Variants in ABCB9 observed in about 807,000 individuals in gnomAD.
The protein encoded by ABCB9 is ATP binding cassette subfamily B member 9.
In ABCB9, 36 loss-of-function variants were observed where a neutral mutation model predicts 62.0. The ratio of observed to expected loss-of-function variants is 0.58; its 90% CI spans 0.45 to 0.77. ABCB9 has a LOEUF of 0.77. Among genes scored for constraint, ABCB9 ranks in the 30% least tolerant of loss-of-function variants. The pLI is 0.00. For synonymous variants in ABCB9, 435 were observed against 461.4 expected (o/e 0.94, Z 0.73); for missense variants, 943 against 1,054.7 (o/e 0.89, Z 1.47).
At chr12:122,920,866 T>C, downstream of ABCB9, 4 of 660,316 alleles carry the variant, frequency 6.1e-6, no homozygotes, top group Non-Finnish European at 1.0e-5. Flanking sequence ...TGAGGTGAGA[T>C]CGTACCACTG....
rs1158188863 is a variant in ABCB9 at position 122,959,774 on chromosome 12, C to T, written c.462G>A (p.Glu154=). The change falls in exon 2 of 12, where the codon GAG becomes GAA. Residue 154 remains glutamate (E), a synonymous_variant. Transcript: ENST00000280560. The surrounding 1 kb of genome is among the most constrained non-coding windows in gnomAD (Gnocchi z 5.4). ...TQALEPGAAT[E]AEGFPGSGRP... is the part of the protein sequence containing the mutation. Reference sequence around the variant, plus strand: ...GGCCGCTCCCAGGGAAGCCCTCAGCCTCGGTGGCCGCCCCTGGCTCCAGGG... The same window carrying T: ...GGCCGCTCCCAGGGAAGCCCTCAGCTTCGGTGGCCGCCCCTGGCTCCAGGG... 1 of 1,612,002 alleles carries T rather than the reference C, an allele frequency of 6.2e-7. No individual in the cohort carries two copies. The highest frequency in any genetic ancestry group is 2.2e-5 in the East Asian group (1 of 44,844).
chr12:122,960,296 A>G lies in ABCB9; in HGVS notation c.-61T>C. ...GGTTGTAGCTCACGGGGGCAAGGCC[A>G]TCATCATCCACAGGGCGAGGCCAGG... is the stretch of plus-strand genomic sequence containing the variant. On this transcript the variant is annotated 5_prime_UTR_variant, in exon 2 of 12. An upstream start codon of the reference 5' UTR is lost. Transcript: ENST00000280560. 6.4e-7 allele frequency: 1 copy of G among 1,563,602 alleles called. No individual in the cohort carries two copies. Among genetic ancestry groups the G allele is most frequent in the Non-Finnish European group, 8.7e-7 (1 of 1,153,408 alleles).
chr12:122,961,869 T>C (rs1230397106), intron 1 of ABCB9, among the ~76,000 whole-genome samples: 1 of 152,276 alleles, frequency 6.6e-6, no homozygotes, highest in Non-Finnish European at 1.5e-5. Flanking sequence ...GCATAATTGC[T>C]GCTGATTGTA....
At position 122,929,232 on chromosome 12, in the gene ABCB9, C is replaced by A. The variant is rs998053927; in HGVS notation, c.*679G>T. ...GCGCTGGGTGCCGGGCTGGGGGCAC[C>A]CCTGAGGCCCCTCCAGACCTGGCCA... On this transcript the variant is annotated 3_prime_UTR_variant, in exon 12 of 12. Coordinates refer to ENST00000280560, the MANE Select transcript of ABCB9 (RefSeq NM_019625.4). The surrounding 1 kb of genome is among the most constrained non-coding windows in gnomAD (Gnocchi z 6.0). 1.0e-5 allele frequency: 10 copies of A among 985,948 alleles called. No individual in the cohort carries two copies. The African/African-American group carries it at 1.7e-4, about 17-fold the overall frequency. The allele number at this position is 985,948 out of a possible 1,614,324, so 61.1% of individuals were successfully genotyped here.
At chr12:122,967,549 C>T (rs933020308), upstream of ABCB9, among the ~76,000 whole-genome samples, 3 of 152,132 alleles carry the variant, frequency 2.0e-5, no homozygotes, top group African/African-American at 4.8e-5. Context: ...AGTGCAGTGG[C>T]GAGTTCTCAG....
At chr12:122,956,209 G>A (rs2036605820) in intron 2 of ABCB9, among the ~76,000 whole-genome samples, 1 of 152,178 alleles carries the variant, frequency 6.6e-6, no homozygotes, top group Non-Finnish European at 1.5e-5. Flanking sequence ...GTGTCTATGT[G>A]CCAGGAGCTG....
At chr12:122,965,037 A>G (rs1019570706) in intron 1 of ABCB9, among the ~76,000 whole-genome samples, 12 of 152,064 alleles carry the variant, frequency 7.9e-5, no homozygotes, top group Non-Finnish European at 1.6e-4. Flanking sequence ...TTATTATGAC[A>G]CTGCAACAGA....
chr12:122,973,265 T>C (rs1260491445), intron 1 of ABCB9: 2 of 152,266 alleles, frequency 1.3e-5, no homozygotes, highest in East Asian at 1.9e-4. Context: ...CGAAATCCCG[T>C]TTCTACTAAA....
intron 2 of ABCB9, chr12:122,950,983 A>C (rs2036336182): frequency 6.5e-6 from 1 of 152,732 alleles, no homozygotes. Flanking sequence ...TAGGGAATAC[A>C]GGCATGTGCC....
At position 122,972,037 on chromosome 12, in the gene ABCB9, C is replaced by CTTTTTTTTTTTTTTTTTTTT. The variant is rs57112984; in HGVS notation, c.-88+2658_-88+2677dup. Among the ~76,000 whole-genome samples, 8 of 99,270 alleles carry CTTTTTTTTTTTTTTTTTTTT rather than the reference C, an allele frequency of 8.1e-5. 2 individuals are homozygous for CTTTTTTTTTTTTTTTTTTTT. Among genetic ancestry groups the CTTTTTTTTTTTTTTTTTTTT allele is most frequent in the Non-Finnish European group, 7.5e-5 (4 of 53,234 alleles). 65.1% of individuals were successfully genotyped at this position (99,270 alleles called of 152,430 possible). ...TTCATAGCAGCTTCATTCATAATGTCTTTTTTTTTTTTTTTTTTTTTTGTT... is the reference window on the plus strand; with the variant it reads ...TTCATAGCAGCTTCATTCATAATGTCTTTTTTTTTTTTTTTTTTTTTTTTTTTTTTTTTTTTTTTTTTGTT... On this transcript the variant is annotated intron_variant, in intron 1 of 11. Transcript: ENST00000392439.
Position 122,929,895 on chromosome 12 carries a change from A to G in ABCB9, c.*16T>C, listed in dbSNP as rs1432423557. ...ACCGGGTCCTCTGCCCCACCGGGAG[A>G]AGCAGGGGCCCCCCATCAGGCCTTG... On this transcript the variant is annotated 3_prime_UTR_variant, in exon 12 of 12. Transcript: ENST00000280560. This position sits in a 1 kb window ranked among gnomAD's most constrained non-coding sequence, Gnocchi z 6.0. 1 of 1,515,510 alleles carries G rather than the reference A, an allele frequency of 6.6e-7. No individual in the cohort carries two copies. The highest frequency in any genetic ancestry group is 8.8e-7 in the Non-Finnish European group (1 of 1,130,876). The allele number at this position is 1,515,510 out of a possible 1,614,324, so 93.9% of individuals were successfully genotyped here.
chr12:122,938,263 G>A (rs112816577), intron 9 of ABCB9, among the ~76,000 whole-genome samples: 3 of 152,372 alleles, frequency 2.0e-5, no homozygotes, highest in African/African-American at 7.2e-5. Flanking sequence ...GCCGGGGGCA[G>A]AGGCTCACAC....
chr12:122,943,084 A>G (rs985131083), intron 7 of ABCB9, among the ~76,000 whole-genome samples: 1 of 152,118 alleles, frequency 6.6e-6, no homozygotes, highest in Non-Finnish European at 1.5e-5. Context: ...GAGGCAGACA[A>G]GAGAATTAAC....
At chr12:122,943,508 C>A (rs746875841) in intron 7 of ABCB9, among the ~76,000 whole-genome samples, 1 of 152,220 alleles carries the variant, frequency 6.6e-6, no homozygotes, top group Non-Finnish European at 1.5e-5. Flanking sequence ...AGTCACTCCA[C>A]CGCTCAGGTT....
chr12:122,928,486 T>A (rs1258450868), downstream of ABCB9, among the ~76,000 whole-genome samples: 1 of 150,082 alleles, frequency 6.7e-6, no homozygotes, highest in Non-Finnish European at 1.5e-5. Context: ...AAAAAAAAAA[T>A]TGAAATACTA....
exon 1 of ABCB9, chr12:122,974,937 A>G (rs1228847740): frequency 4.1e-6 from 1 of 245,708 alleles, no homozygotes; most frequent in Non-Finnish European, 7.8e-6. Flanking sequence ...GTTTAAGTCA[A>G]AGGCCTTGGG....
intron 1 of ABCB9, chr12:122,973,296 G>A (rs2037305246): frequency 6.6e-6 from 1 of 152,226 alleles, no homozygotes; most frequent in Admixed American, 6.5e-5. Flanking sequence ...CGGGCGCGGT[G>A]GCTCACGCCT....
At chr12:122,950,109 G>C (rs2135861577) in intron 3 of ABCB9, among the ~76,000 whole-genome samples, 191 bp from the exon 4 acceptor site, 1 of 152,256 alleles carries the variant, frequency 6.6e-6, no homozygotes, top group South Asian at 2.1e-4. Context: ...GACAGTTGTG[G>C]GACAAGAGAC....
At chr12:122,920,953 T>G in exon 12 of ABCB9, 1 of 1,445,846 alleles carries the variant, frequency 6.9e-7, no homozygotes, top group African/African-American at 1.4e-5. Flanking sequence ...TCGTGTTTGC[T>G]GCACTGAAAA....
Sources: gnomAD v4.1 joint callset for allele counts (sites outside exome capture counted in the v4.1 genomes callset) on GRCh38, gnomAD v4.1.1 for gene constraint, Gnocchi (gnomAD v3.1) non-coding constraint, MANE v1.5 for transcripts, NCBI Gene and HGNC (gene_info 2026-07-23, HGNC 2026-07-21) for gene names.